The following CACNA2D3 variants were observed in gnomAD, a reference collection of about 807,000 sequenced individuals.
The protein encoded by CACNA2D3 is calcium voltage-gated channel auxiliary subunit alpha2delta 3, also known as voltage-dependent calcium channel subunit alpha-2/delta-3.
In CACNA2D3, 60 loss-of-function variants were observed where a neutral mutation model predicts 160.6. The observed-to-expected ratio is 0.37, with a 90% CI of 0.30 to 0.46. The LOEUF (loss-of-function observed/expected upper bound fraction) is 0.46. CACNA2D3 is among the 20% of genes least tolerant of loss of function. CACNA2D3 has a pLI of 1.00. For synonymous variants in CACNA2D3, 558 were observed against 492.9 expected (o/e 1.13, Z -1.75); for missense variants, 1,205 against 1,365.0 (o/e 0.88, Z 1.85).
At chr3:54,203,994 C>T (rs1489250834) in intron 2 of CACNA2D3, among the ~76,000 whole-genome samples, 1 of 152,008 alleles carries the variant, frequency 6.6e-6, no homozygotes, top group Non-Finnish European at 1.5e-5. Context: ...CCGCCCTTCT[C>T]TACTGTGCAC....
chr3:54,825,126 C>T (rs957647483), intron 14 of CACNA2D3, among the ~76,000 whole-genome samples: 1 of 152,118 alleles, frequency 6.6e-6, no homozygotes, highest in Non-Finnish European at 1.5e-5. Flanking sequence ...ACAAACTGTA[C>T]TCACAACATT....
chr3:54,149,144 A>G (rs923054592), intron 2 of CACNA2D3, among the ~76,000 whole-genome samples: 4 of 152,170 alleles, frequency 2.6e-5, no homozygotes, highest in African/African-American at 4.8e-5. Flanking sequence ...GGTAGAATCC[A>G]TACTTGTCCC....
chr3:55,052,215 T>C (rs1704241293), intron 35 of CACNA2D3, among the ~76,000 whole-genome samples: 1 of 152,212 alleles, frequency 6.6e-6, no homozygotes, highest in South Asian at 2.1e-4. Context: ...GCTGTATCGT[T>C]CATTTGAAAA....
rs75776963 is a variant in CACNA2D3, at chr3:54,185,262, C to T, written c.204+61668C>T. Among the ~76,000 whole-genome samples, 2,175 of 152,266 alleles carry T rather than the reference C, an allele frequency of 0.014. 124 individuals are homozygous for T. The East Asian group carries it at 0.21, about 14-fold the overall frequency. The stretch of plus-strand genomic sequence containing the variant: ...GCTCTTTAGGGTACAAAAAGAAATA[C>T]TTACATCAGAATTGAACTTTTTTTT... On this transcript the variant is annotated intron_variant, in intron 2 of 37. Coordinates refer to ENST00000474759, the MANE Select transcript of CACNA2D3 (RefSeq NM_018398.3).
In CACNA2D3 at chr3:54,402,649, A is replaced by C. The variant is rs115290156; in HGVS notation, c.381+15875A>C. On this transcript the variant is annotated intron_variant, in intron 4 of 37. Coordinates refer to ENST00000474759, the MANE Select transcript of CACNA2D3 (RefSeq NM_018398.3). ...CCTAAGACAAATATTAATTGACATTAAGGGAGAAATAGACAGCAATACAAT... is the reference window on the plus strand; with the variant it reads ...CCTAAGACAAATATTAATTGACATTCAGGGAGAAATAGACAGCAATACAAT... Among the ~76,000 whole-genome samples, 361 of 152,296 alleles carry C rather than the reference A, an allele frequency of 2.4e-3. 3 individuals carry two copies. The highest frequency in any genetic ancestry group is 8.5e-3 in the African/African-American group (352 of 41,570).
chr3:54,274,503 C>T (rs1376251966), intron 2 of CACNA2D3, among the ~76,000 whole-genome samples: 4 of 152,134 alleles, frequency 2.6e-5, no homozygotes, highest in East Asian at 3.9e-4. Context: ...ACTGTGTGTT[C>T]GGGGTCATTG....
At chr3:54,726,060 A>G (rs1004892315) in intron 11 of CACNA2D3, among the ~76,000 whole-genome samples, 1 of 152,236 alleles carries the variant, frequency 6.6e-6, no homozygotes, top group Non-Finnish European at 1.5e-5. Flanking sequence ...AACTTCAGCA[A>G]AGTCTCAGGA....
chr3:54,902,131 A>G (rs994725496), intron 27 of CACNA2D3, among the ~76,000 whole-genome samples: 13 of 152,326 alleles, frequency 8.5e-5, no homozygotes, highest in African/African-American at 3.1e-4. Context: ...TTAGGTCTCA[A>G]TGAAATCCTT....
intron 4 of CACNA2D3, among the ~76,000 whole-genome samples, chr3:54,412,355 G>A (rs932884476): frequency 6.6e-5 from 10 of 151,922 alleles, no homozygotes. Context: ...AAATATGATT[G>A]TGGATTTGTT....
chr3:54,778,927 C>G (rs951736912), intron 13 of CACNA2D3, among the ~76,000 whole-genome samples: 1 of 152,174 alleles, frequency 6.6e-6, no homozygotes, highest in African/African-American at 2.4e-5. Flanking sequence ...CCCAGCACCA[C>G]CAATCCAACA....
At chr3:54,994,490 A>G (rs190610701) in intron 31 of CACNA2D3, among the ~76,000 whole-genome samples, 24 of 152,284 alleles carry the variant, frequency 1.6e-4, no homozygotes, top group Non-Finnish European at 3.1e-4. Context: ...TTCTGGGCCA[A>G]ACTTTCTGGA....
At chr3:54,299,467 G>A (rs1410141249) in intron 2 of CACNA2D3, among the ~76,000 whole-genome samples, 1 of 152,204 alleles carries the variant, frequency 6.6e-6, no homozygotes, top group Non-Finnish European at 1.5e-5. Context: ...TTTGGCTGAT[G>A]TTCCAGTCTT....
chr3:54,702,208 A>G (rs1700780747), intron 11 of CACNA2D3, among the ~76,000 whole-genome samples: 1 of 152,216 alleles, frequency 6.6e-6, no homozygotes. Flanking sequence ...CTTGGGAAAG[A>G]ATTTGTGATG....
At chr3:54,602,572 G>A (rs1383370048) in intron 9 of CACNA2D3, among the ~76,000 whole-genome samples, 1 of 151,644 alleles carries the variant, frequency 6.6e-6, no homozygotes, top group Non-Finnish European at 1.5e-5. Context: ...CAAGGGCAGA[G>A]GCCGTCTGAG....
intron 33 of CACNA2D3, among the ~76,000 whole-genome samples, chr3:55,008,981 T>C (rs1424100431): frequency 1.3e-5 from 2 of 151,794 alleles, no homozygotes; most frequent in Non-Finnish European, 2.9e-5. Context: ...GTTTTATTAC[T>C]ACAGTTCATA....
chr3:54,752,593 C>A lies in CACNA2D3; in HGVS notation c.1168-6C>A. 6.2e-7 allele frequency: 1 copy of A among 1,611,944 alleles called. No homozygotes were observed. The highest frequency in any genetic ancestry group is 2.2e-5 in the East Asian group (1 of 44,754). On this transcript the variant is annotated splice_region_variant and splice_polypyrimidine_tract_variant and intron_variant, in intron 11 of 37. Transcript: ENST00000474759. Reference sequence around the variant, plus strand: ...CCGCTCAGCCATGCGTTTGTCTTCCCTTCAGGTTCGCATCTTCACATACCT... The same window carrying A: ...CCGCTCAGCCATGCGTTTGTCTTCCATTCAGGTTCGCATCTTCACATACCT...
intron 17 of CACNA2D3, among the ~76,000 whole-genome samples, chr3:54,863,252 C>CT (rs1259298237): frequency 4.6e-5 from 7 of 152,210 alleles, no homozygotes; most frequent in Non-Finnish European, 8.8e-5. Flanking sequence ...TTGTTTGCCT[C>CT]TAAGTGCTCC....
intron 4 of CACNA2D3, among the ~76,000 whole-genome samples, chr3:54,448,841 A>G (rs1209341093): frequency 6.6e-6 from 1 of 152,202 alleles, no homozygotes; most frequent in Non-Finnish European, 1.5e-5. Context: ...TGCAAGGCAA[A>G]TTGCAGAAGA....
At chr3:54,832,078 GTTTAT>G (rs1316439914) in intron 14 of CACNA2D3, among the ~76,000 whole-genome samples, 4 of 142,966 alleles carry the variant, frequency 2.8e-5, no homozygotes, top group African/African-American at 7.9e-5. Context: ...TCTCTGTTGA[GTTTAT>G]TTTATTCAGT....
Sources: gnomAD v4.1 joint callset for allele counts (sites outside exome capture counted in the v4.1 genomes callset) on GRCh38, gnomAD v4.1.1 for gene constraint, MANE v1.5 for transcripts, NCBI Gene and HGNC (gene_info 2026-07-23, HGNC 2026-07-21) for gene names.